Variants in LUZP2 observed in about 807,000 individuals in gnomAD.
LUZP2 encodes leucine zipper protein 2.
In LUZP2, 52 loss-of-function variants were observed where a neutral mutation model predicts 51.6. The observed-to-expected ratio is 1.01, with a 90% confidence interval of 0.81 to 1.27. The LOEUF is 1.27. Ranked by LOEUF, LUZP2 falls within the 50% of genes most tolerant of loss-of-function variation. LUZP2 has a pLI of 0.00. For synonymous variants in LUZP2, 154 were observed against 137.3 expected (o/e 1.12, Z -0.85); for missense variants, 436 against 395.4 (o/e 1.10, Z -0.87).
At chr11:24,514,485 T>C (rs74427376) in intron 1 of LUZP2, among the ~76,000 whole-genome samples, 2,162 of 152,266 alleles carry the variant, frequency 0.014, 53 homozygotes, top group African/African-American at 0.047. Context: ...TATATTGTAG[T>C]ATTAAGGGAA....
intron 9 of LUZP2, among the ~76,000 whole-genome samples, chr11:25,044,241 G>A (rs1266649917): frequency 2.1e-5 from 2 of 97,400 alleles, no homozygotes; most frequent in Admixed American, 1.1e-4. Context: ...GTGTATGTGT[G>A]TGTGTGTGTG....
chr11:25,005,113 A>T (rs1458134597), intron 9 of LUZP2, among the ~76,000 whole-genome samples: 1 of 152,130 alleles, frequency 6.6e-6, no homozygotes, highest in East Asian at 1.9e-4. Flanking sequence ...GTTGGACCAA[A>T]TTCCCCACCC....
rs139612719 is a variant in LUZP2, at chr11:24,892,189, G to T, written c.397-13802G>T. 2.2e-3 allele frequency: 2,212 copies of T among 985,518 alleles called. 23 individuals carry two copies. The African/African-American group carries it at 0.023, about 10-fold the overall frequency. The allele number at this position is 985,518 out of a possible 1,614,324, so 61.0% of individuals were successfully genotyped here. ...GTATCTTTCTCCTTTTTTACCTTCT[G>T]TGGTTGTGATCTGTGAGGAAAAATG... On this transcript the variant is annotated intron_variant, in intron 5 of 11. Coordinates refer to ENST00000336930, the MANE Select transcript of LUZP2 (RefSeq NM_001009909.4).
intron 1 of LUZP2, among the ~76,000 whole-genome samples, chr11:24,585,040 G>A (rs1193991073): frequency 1.3e-5 from 2 of 152,124 alleles, no homozygotes; most frequent in Non-Finnish European, 2.9e-5. Flanking sequence ...CCCAGGAAGG[G>A]ATAGGGCCTG....
chr11:24,706,081 C>G (rs1857572870), intron 1 of LUZP2, among the ~76,000 whole-genome samples: 1 of 152,116 alleles, frequency 6.6e-6, no homozygotes, highest in Non-Finnish European at 1.5e-5. Context: ...GCAGTGACTT[C>G]TACTTGATAC....
intron 5 of LUZP2, among the ~76,000 whole-genome samples, chr11:24,796,574 A>G (rs1849552235): frequency 6.6e-6 from 1 of 150,638 alleles, no homozygotes; most frequent in Admixed American, 6.7e-5. Flanking sequence ...CAAAGAGAAA[A>G]AAAAAAAAAG....
At chr11:24,633,109 G>A (rs555317434) in intron 1 of LUZP2, among the ~76,000 whole-genome samples, 99 of 152,002 alleles carry the variant, frequency 6.5e-4, no homozygotes, top group Middle Eastern at 3.4e-3. Flanking sequence ...TTTTCTTGTT[G>A]CCTTCATGAT....
intron 5 of LUZP2, among the ~76,000 whole-genome samples, chr11:24,767,332 T>C (rs1860231227): frequency 6.6e-6 from 1 of 152,222 alleles, no homozygotes; most frequent in South Asian, 2.1e-4. Flanking sequence ...AATACCATTT[T>C]TGAAGAGTTT....
At chr11:24,620,264 A>T (rs114322593) in intron 1 of LUZP2, among the ~76,000 whole-genome samples, 27,179 of 152,068 alleles carry the variant, frequency 0.18, 2,674 homozygotes, top group African/African-American at 0.26. Context: ...TGCCATAAAA[A>T]TTGCAATAAG....
intron 5 of LUZP2, among the ~76,000 whole-genome samples, chr11:24,853,749 C>T (rs1321645702): frequency 6.6e-6 from 1 of 152,094 alleles, no homozygotes; most frequent in Non-Finnish European, 1.5e-5. Flanking sequence ...TTTTCCTCAT[C>T]CTCATGGATA....
chr11:24,512,786 G>T (rs1850352673), intron 1 of LUZP2, among the ~76,000 whole-genome samples: 1 of 146,200 alleles, frequency 6.8e-6, no homozygotes, highest in African/African-American at 2.5e-5. Context: ...GTCTCACTCT[G>T]TTGCCCAGGC....
At chr11:24,892,094 T>C in intron 5 of LUZP2, 1 of 985,618 alleles carries the variant, frequency 1.0e-6, no homozygotes, top group Non-Finnish European at 1.2e-6. Context: ...TGGTCACTCG[T>C]GACTTACTAG....
At chr11:24,540,993 C>T (rs1437790985) in intron 1 of LUZP2, among the ~76,000 whole-genome samples, 2 of 152,156 alleles carry the variant, frequency 1.3e-5, no homozygotes, top group African/African-American at 4.8e-5. Context: ...TAGTTCACCT[C>T]TGTAATCCCA....
intron 7 of LUZP2, among the ~76,000 whole-genome samples, chr11:24,971,926 G>T (rs887686205): frequency 6.6e-6 from 1 of 151,962 alleles, no homozygotes. Context: ...GATCATCTGA[G>T]GTCAGAAGAT....
intron 5 of LUZP2, among the ~76,000 whole-genome samples, chr11:24,810,840 A>G (rs1849997432): frequency 6.6e-6 from 1 of 152,126 alleles, no homozygotes; most frequent in South Asian, 2.1e-4. Context: ...AAGAGGTACC[A>G]AGTGTTGCTG....
chr11:24,776,370 G>A (rs1283504497), intron 5 of LUZP2, among the ~76,000 whole-genome samples: 4 of 152,052 alleles, frequency 2.6e-5, no homozygotes, highest in Admixed American at 6.6e-5. Context: ...AGGGAAATGG[G>A]CAGTTTAATT....
intron 5 of LUZP2, among the ~76,000 whole-genome samples, chr11:24,858,628 T>G (rs1851640364): frequency 6.6e-6 from 1 of 152,202 alleles, no homozygotes; most frequent in Admixed American, 6.5e-5. Flanking sequence ...CATAAAAAGT[T>G]ATAAAATATA....
intron 1 of LUZP2, among the ~76,000 whole-genome samples, chr11:24,549,994 AC>A (rs1184469788): frequency 1.3e-5 from 2 of 152,046 alleles, no homozygotes; most frequent in Non-Finnish European, 2.9e-5. Flanking sequence ...ACAGGAGAAA[AC>A]CCACCACCCT....
chr11:24,960,582 C>G (rs552556058), intron 7 of LUZP2, among the ~76,000 whole-genome samples: 4 of 151,956 alleles, frequency 2.6e-5, no homozygotes, highest in African/African-American at 7.3e-5. Context: ...TCTGTGGGAT[C>G]GGTGGTGATA....
Sources: allele counts gnomAD v4.1 joint callset (sites outside exome capture counted in the v4.1 genomes callset), GRCh38; gene constraint gnomAD v4.1.1; transcripts MANE v1.5; gene names NCBI Gene and HGNC (gene_info 2026-07-23, HGNC 2026-07-21).